PAMR1: variants seen among roughly 807,000 people sequenced by gnomAD.
PAMR1 encodes the protein peptidase domain containing associated with muscle regeneration 1.
In PAMR1, 88 loss-of-function variants were observed where a neutral mutation model predicts 81.8. That is an observed-to-expected ratio of 1.08 (90% CI 0.91 to 1.28). The LOEUF (loss-of-function observed/expected upper bound fraction) is 1.28, where lower values mean the gene tolerates loss of function less well. Ranked by LOEUF, PAMR1 falls within the 50% of genes most tolerant of loss-of-function variation. The pLI, the probability that PAMR1 is intolerant of heterozygous loss-of-function variation, is 0.00. For synonymous variants in PAMR1, 336 were observed against 345.3 expected, an observed-to-expected ratio of 0.97 and a Z score of 0.30; for missense variants, 935 against 919.7, an observed-to-expected ratio of 1.02 and a Z score of -0.21.
chr11:35,443,920 G>C (rs574258833), intron 6 of PAMR1, among the ~76,000 whole-genome samples: 1 of 152,180 alleles, frequency 6.6e-6, no homozygotes, highest in Non-Finnish European at 1.5e-5. Context: ...ATAGTATCTC[G>C]TTGTGGTTAT....
intron 3 of PAMR1, among the ~76,000 whole-genome samples, chr11:35,479,468 A>G (rs568349237): frequency 6.6e-6 from 1 of 152,368 alleles, no homozygotes; most frequent in East Asian, 1.9e-4. Flanking sequence ...TGGTACATAA[A>G]AATGCTCAAT....
intron 2 of PAMR1, among the ~76,000 whole-genome samples, chr11:35,493,840 A>G (rs1401106122): frequency 6.6e-6 from 1 of 152,248 alleles, no homozygotes; most frequent in Non-Finnish European, 1.5e-5. Flanking sequence ...CCCACATGGT[A>G]CATAAAGCTG....
chr11:35,502,491 A>G (rs1346905662), intron 1 of PAMR1, among the ~76,000 whole-genome samples: 1 of 150,996 alleles, frequency 6.6e-6, no homozygotes, highest in African/African-American at 2.5e-5. Context: ...GCTCCCACTC[A>G]TAAGTGAGAA....
intron 9 of PAMR1, 90 bp downstream of exon 9, chr11:35,435,813 A>T: frequency 1.1e-6 from 1 of 917,082 alleles, no homozygotes; most frequent in Non-Finnish European, 1.8e-6. Context: ...AGCACTGGAG[A>T]TGCTCTCCCA....
At chr11:35,522,066 G>T (rs537155870) in intron 1 of PAMR1, among the ~76,000 whole-genome samples, 1 of 152,180 alleles carries the variant, frequency 6.6e-6, no homozygotes, top group East Asian at 1.9e-4. Context: ...GGGACTACAG[G>T]CGCCTGCCAC....
intron 6 of PAMR1, among the ~76,000 whole-genome samples, chr11:35,458,857 A>C (rs1856590462): frequency 6.6e-6 from 1 of 151,914 alleles, no homozygotes; most frequent in Admixed American, 6.6e-5. Context: ...TCTCTTCCTC[A>C]TTTTTTCCTG....
Position 35,476,783 on chromosome 11 carries a change from G to C in PAMR1, c.380-2039C>G, listed in dbSNP as rs143601149. 5.7e-3 allele frequency among the ~76,000 whole-genome samples: 874 copies of C among 152,014 alleles called. 9 individuals are homozygous for C. The highest frequency in any genetic ancestry group is 0.032 in the South Asian group (154 of 4,798). On this transcript the variant is annotated intron_variant, in intron 3 of 10. Transcript: ENST00000619888. The stretch of plus-strand genomic sequence containing the variant: ...CTCCACTGTGCAGACACCTTCCTAT[G>C]TTATTTGCAGCTCTGCCTTGCTGGC...
intron 3 of PAMR1, among the ~76,000 whole-genome samples, chr11:35,475,996 T>C (rs1850277766): frequency 6.6e-6 from 1 of 152,196 alleles, no homozygotes; most frequent in Admixed American, 6.5e-5. Flanking sequence ...ATAAAAATAT[T>C]ACTAGTGGAT....
chr11:35,449,106 C>A (rs1453545446), intron 6 of PAMR1, among the ~76,000 whole-genome samples: 1 of 152,246 alleles, frequency 6.6e-6, no homozygotes, highest in Admixed American at 6.5e-5. Flanking sequence ...AGGTTCCACC[C>A]AGTCAGGAGG....
chr11:35,448,385 G>A (rs1856340521), intron 6 of PAMR1, among the ~76,000 whole-genome samples: 1 of 151,898 alleles, frequency 6.6e-6, no homozygotes, highest in African/African-American at 2.4e-5. Context: ...ATTTCAGCAG[G>A]ATAGTTTTAA....
chr11:35,483,970 T>C (rs979777449), intron 3 of PAMR1, among the ~76,000 whole-genome samples: 1 of 152,232 alleles, frequency 6.6e-6, no homozygotes, highest in South Asian at 2.1e-4. Flanking sequence ...TAAAGGCTTC[T>C]CTTTTATTAT....
intron 2 of PAMR1, among the ~76,000 whole-genome samples, 183 bp from the exon 3 acceptor site, chr11:35,492,356 T>C (rs769842179): frequency 6.6e-6 from 1 of 152,124 alleles, no homozygotes; most frequent in Non-Finnish European, 1.5e-5. Context: ...GGCACCAGAA[T>C]TCAGACTGGG....
At chr11:35,520,057 C>T (rs934744252) in intron 1 of PAMR1, among the ~76,000 whole-genome samples, 7 of 152,144 alleles carry the variant, frequency 4.6e-5, no homozygotes, top group African/African-American at 1.7e-4. Context: ...AAAGCATATA[C>T]GGGAGTGCCT....
intron 6 of PAMR1, among the ~76,000 whole-genome samples, chr11:35,467,138 A>G (rs573949813): frequency 1.3e-5 from 2 of 152,126 alleles, no homozygotes; most frequent in Non-Finnish European, 2.9e-5. Context: ...AAGCTAGAAC[A>G]TTACTCTAAG....
chr11:35,441,504 C>A lies in PAMR1; in HGVS notation c.1010G>T (p.Gly337Val), dbSNP rs756521194. 1.9e-6 allele frequency: 3 copies of A among 1,612,698 alleles called. No homozygotes were observed. The highest frequency in any genetic ancestry group is 2.5e-6 in the Non-Finnish European group (3 of 1,179,630). ...RTCQQNGEWSGKQPICIKACR... is the reference protein window; with the variant it reads ...RTCQQNGEWSVKQPICIKACR... ...ACCTTTTATGCAGATGGGCTGTTTC[C>A]CTGACCACTCTCCATTCTGCTGGCA... Residue 337 changes from glycine (G) to valine (V), a missense_variant, in exon 7 of 11, where the codon GGG becomes GTG. Transcript: ENST00000619888.
In PAMR1 at chr11:35,474,631, T is replaced by C. The variant is rs1224634504; in HGVS notation, c.493A>G (p.Arg165Gly). 2 of 1,577,902 alleles carry C rather than the reference T, an allele frequency of 1.3e-6. No homozygotes were observed. Among genetic ancestry groups the C allele is most frequent in the Non-Finnish European group, 1.7e-6 (2 of 1,155,560 alleles). The change falls in exon 4 of 11, where the codon AGA (arginine) becomes GGA (glycine). Residue 165 changes from arginine (R) to glycine (G), a missense_variant and splice_region_variant. Physicochemically the swap from Arg to Gly is moderately radical, Grantham distance 125. Coordinates refer to ENST00000619888, the MANE Select transcript of PAMR1 (RefSeq NM_001001991.3). ...HAKPGFVIQL[R>G]FVMLSLEFDY... ...TGACTTCTGGCCCCAGCTCCTTACC[T>C]TAGTTGGATGACAAACCCAGGTTTA...
rs745590827 is a variant in PAMR1 at position 35,434,542 on chromosome 11, GTCA to G, written c.1593_1595del (p.Asp532del). ...GGCTCTGGATGGTCTTCTCATCCCG[GTCA>G]TCATCCCGGTAGAATTTCCCCAAAA... On this transcript the variant is annotated inframe_deletion, in exon 10 of 11. Transcript: ENST00000619888. 3 of 1,613,762 alleles carry G rather than the reference GTCA, an allele frequency of 1.9e-6. No homozygotes were observed. Among genetic ancestry groups the G allele is most frequent in the Non-Finnish European group, 2.5e-6 (3 of 1,179,926 alleles).
intron 6 of PAMR1, among the ~76,000 whole-genome samples, chr11:35,442,582 CTTTTTTCTTTT>C (rs1856195249): frequency 1.3e-5 from 2 of 151,796 alleles, no homozygotes; most frequent in South Asian, 4.2e-4. Flanking sequence ...TCCCTACTTT[CTTTTTTCTTTT>C]TTTTTCTTTT....
At chr11:35,523,832 A>G (rs555354550) in intron 1 of PAMR1, among the ~76,000 whole-genome samples, 23 of 152,266 alleles carry the variant, frequency 1.5e-4, no homozygotes, top group African/African-American at 5.3e-4. Context: ...GCTACCAACA[A>G]ACTGCGTATC....
Sources: allele counts gnomAD v4.1 joint callset (sites outside exome capture counted in the v4.1 genomes callset), GRCh38; gene constraint gnomAD v4.1.1; transcripts MANE v1.5; gene names NCBI Gene and HGNC (gene_info 2026-07-23, HGNC 2026-07-21).